UTRN: variants seen among roughly 807,000 people sequenced by gnomAD.
UTRN encodes the protein utrophin, also known as dystrophin-related protein 1.
In UTRN, 283 loss-of-function variants were observed where a neutral mutation model predicts 463.9. The ratio of observed to expected loss-of-function variants is 0.61; its 90% CI spans 0.55 to 0.67. The LOEUF (loss-of-function observed/expected upper bound fraction) is 0.67, where lower values mean the gene tolerates loss of function less well. UTRN is among the 30% of genes least tolerant of loss of function. The pLI is 0.00. For missense variants in UTRN, 3,922 were observed against 4,084.3 expected (o/e 0.96, Z 1.08); for synonymous variants, 1,442 against 1,431.5 (o/e 1.01, Z -0.17).
In UTRN at chr6:144,610,909, A is replaced by G. The variant is rs148679183; in HGVS notation, c.7479+33621A>G. On this transcript the variant is annotated intron_variant, in intron 51 of 74. Transcript: ENST00000367545. ...CAAACCAAACCAAACCAAAACAAACAAGAAAACAATAGGGCAATCTCCATA... is the reference window on the plus strand; with the variant it reads ...CAAACCAAACCAAACCAAAACAAACGAGAAAACAATAGGGCAATCTCCATA... Among the ~76,000 whole-genome samples the G allele has an allele frequency of 8.3e-4, 126 of 152,266 alleles. No individual in the cohort carries two copies. The South Asian group carries it at 9.3e-3, about 11-fold the overall frequency.
At chr6:144,467,010 C>G (rs1011726644) in intron 23 of UTRN, among the ~76,000 whole-genome samples, 1 of 152,164 alleles carries the variant, frequency 6.6e-6, no homozygotes, top group African/African-American at 2.4e-5. Context: ...ACACCAATAC[C>G]AGAGTTGTAC....
chr6:144,798,962 A>G (rs1325920879), intron 64 of UTRN, among the ~76,000 whole-genome samples: 1 of 152,180 alleles, frequency 6.6e-6, no homozygotes, highest in Non-Finnish European at 1.5e-5. Flanking sequence ...GGCTGGTCTC[A>G]AACTCCCGAC....
intron 2 of UTRN, among the ~76,000 whole-genome samples, chr6:144,332,083 C>T (rs1042225632): frequency 3.9e-5 from 6 of 152,210 alleles, no homozygotes; most frequent in Non-Finnish European, 8.8e-5. Context: ...ATCTCCTTCT[C>T]CTCCTTCTGG....
intron 54 of UTRN, among the ~76,000 whole-genome samples, chr6:144,743,178 C>T (rs562551729): frequency 6.6e-6 from 1 of 152,072 alleles, no homozygotes; most frequent in South Asian, 2.1e-4. Context: ...AGACTGGCTA[C>T]TATAAAATCA....
chr6:144,545,344 T>C (rs143050718), intron 46 of UTRN, among the ~76,000 whole-genome samples: 1 of 152,242 alleles, frequency 6.6e-6, no homozygotes, highest in Non-Finnish European at 1.5e-5. Flanking sequence ...CACAGTCTTT[T>C]AATCACTTCC....
intron 68 of UTRN, 43 bp from the exon 69 acceptor site, chr6:144,828,747 C>T (rs1269011750): frequency 1.9e-6 from 3 of 1,573,278 alleles, no homozygotes; most frequent in Admixed American, 1.7e-5. Context: ...TGACCATGTC[C>T]TATATGGCCA....
At chr6:144,349,421 G>T (rs987055799) in intron 2 of UTRN, among the ~76,000 whole-genome samples, 9 of 152,218 alleles carry the variant, frequency 5.9e-5, no homozygotes, top group African/African-American at 1.4e-4. Flanking sequence ...CAACCAGGAG[G>T]ATCACAGGAT....
intron 2 of UTRN, among the ~76,000 whole-genome samples, chr6:144,295,365 G>A (rs1210643204): frequency 6.6e-6 from 1 of 152,120 alleles, no homozygotes; most frequent in African/African-American, 2.4e-5. Context: ...TTATCCCAGA[G>A]CCCTGTAGAA....
chr6:144,403,194 A>C lies in UTRN; in HGVS notation c.141+10A>C. The C allele has an allele frequency of 6.2e-7, 1 of 1,611,044 alleles. No homozygotes were observed. The highest frequency in any genetic ancestry group is 1.3e-5 in the African/African-American group (1 of 74,888). ...TGCTCGATTTTCAAAGGTAACTGAG[A>C]CTTTCAAAAACTTCGATGGTTCAGA... On this transcript the variant is annotated intron_variant, in intron 3 of 74. Transcript: ENST00000367545.
At chr6:144,811,273 A>T (rs1034788314) in intron 65 of UTRN, among the ~76,000 whole-genome samples, 11 of 152,204 alleles carry the variant, frequency 7.2e-5, no homozygotes, top group South Asian at 2.1e-4. Flanking sequence ...CAAATATTTT[A>T]AAAATGCTGA....
In UTRN at chr6:144,403,255, G is replaced by A. The variant is rs1783085261; in HGVS notation, c.141+71G>A. The A allele has an allele frequency of 5.7e-6, 8 of 1,403,914 alleles. No homozygotes were observed. In the Admixed American group the frequency reaches 9.1e-5, roughly 16 times the overall value. 87.0% of individuals were successfully genotyped at this position (1,403,914 alleles called of 1,614,324 possible). A position where few individuals can be genotyped will look rare whatever the true frequency, so the allele number is the denominator to read the frequency against. On this transcript the variant is annotated intron_variant, in intron 3 of 74. Transcript: ENST00000367545. ...TGATTGAAGGAGTTTGGTTGGAAGT[G>A]CAGTGAATTTTCCCCAGGAAATGTC...
At chr6:144,434,149 C>T (rs995959335) in intron 9 of UTRN, among the ~76,000 whole-genome samples, 14 of 152,126 alleles carry the variant, frequency 9.2e-5, no homozygotes, top group African/African-American at 1.9e-4. Context: ...GAGACCAGCC[C>T]GGCCAACACA....
rs940887418 is a variant in UTRN, at chr6:144,510,997, G to C, written c.4818G>C (p.Glu1606Asp). 6.2e-7 allele frequency: 1 copy of C among 1,612,574 alleles called. No individual in the cohort carries two copies. Among genetic ancestry groups the C allele is most frequent in the African/African-American group, 1.3e-5 (1 of 75,014 alleles). Residue 1606 changes from glutamate to aspartate, a missense_variant, in exon 35 of 75, where the codon GAG becomes GAC. By Grantham distance (45) the Glu-to-Asp change is conservative. Around this residue, in one of 3 missense-constraint regions of UTRN, gnomAD observed 2,349 missense variants for 2,303.8 expected, o/e 1.02. Transcript: ENST00000367545. ...AAGCTGATTTAAATACCATCACAGA[G>C]AGTAGTGCTGCCCTGCAAAACTTGA... The part of the protein sequence containing the change: ...KRKADLNTIT[E>D]SSAALQNLIE...
At chr6:144,817,218 A>G (rs1779164841) in intron 65 of UTRN, among the ~76,000 whole-genome samples, 1 of 152,222 alleles carries the variant, frequency 6.6e-6, no homozygotes, top group Non-Finnish European at 1.5e-5. Flanking sequence ...AAGGAAAACA[A>G]TTTATAAGGT....
At chr6:144,426,736 C>G (rs2114859973) in intron 7 of UTRN, among the ~76,000 whole-genome samples, 1 of 152,254 alleles carries the variant, frequency 6.6e-6, no homozygotes, top group East Asian at 1.9e-4. Flanking sequence ...AAGTTCAACC[C>G]CACTCATTCA....
At chr6:144,367,040 G>C (rs1260179635) in intron 2 of UTRN, among the ~76,000 whole-genome samples, 2 of 152,046 alleles carry the variant, frequency 1.3e-5, no homozygotes, top group African/African-American at 4.8e-5. Flanking sequence ...CTGGAGTGCA[G>C]TAGCGCAATC....
chr6:144,670,275 C>A (rs1448144267), intron 51 of UTRN, among the ~76,000 whole-genome samples: 1 of 152,126 alleles, frequency 6.6e-6, no homozygotes, highest in East Asian at 1.9e-4. Flanking sequence ...TTTACCACAT[C>A]CACACCAACA....
chr6:144,369,077 C>T (rs1209817034), intron 2 of UTRN, among the ~76,000 whole-genome samples: 2 of 152,188 alleles, frequency 1.3e-5, no homozygotes, highest in African/African-American at 4.8e-5. Context: ...AGAATTTCTG[C>T]CTGTGCTCAA....
At chr6:144,589,884 C>G (rs563129435) in intron 51 of UTRN, among the ~76,000 whole-genome samples, 2 of 151,028 alleles carry the variant, frequency 1.3e-5, no homozygotes, top group African/African-American at 2.4e-5. Context: ...GAGACAGGGT[C>G]TCTGTCACAC....
Sources: allele counts gnomAD v4.1 joint callset (sites outside exome capture counted in the v4.1 genomes callset), GRCh38; gene constraint gnomAD v4.1.1; regional missense constraint gnomAD v4.1.1; transcripts MANE v1.5; gene names NCBI Gene and HGNC (gene_info 2026-07-23, HGNC 2026-07-21).